The following BICD1 variants were observed in gnomAD, a reference collection of about 807,000 sequenced individuals.
The protein encoded by BICD1 is BICD cargo adaptor 1, also known as protein bicaudal D homolog 1.
Under a neutral mutation model 92.5 loss-of-function variants are expected in BICD1, and 35 were observed. The observed-to-expected ratio is 0.38, with a 90% CI of 0.29 to 0.50. The LOEUF is 0.50. BICD1 is among the 20% of genes least tolerant of loss of function. The probability of loss-of-function intolerance (pLI) is 0.93; values close to 1 mark genes in which losing one functional copy is unlikely to be tolerated. For synonymous variants in BICD1, 429 were observed against 465.1 expected (o/e 0.92, Z 1.00); for missense variants, 950 against 1,189.8 (o/e 0.80, Z 2.97).
chr12:32,369,373 T>TA (rs1400606641), intron 9 of BICD1, among the ~76,000 whole-genome samples: 3 of 152,232 alleles, frequency 2.0e-5, no homozygotes, highest in African/African-American at 7.2e-5. Context: ...GTTGCCCTTC[T>TA]ACCAGGGGAA....
chr12:32,257,780 A>G (rs1238977191), intron 2 of BICD1, among the ~76,000 whole-genome samples: 1 of 152,230 alleles, frequency 6.6e-6, no homozygotes, highest in African/African-American at 2.4e-5. Context: ...AAATATGGTT[A>G]TACAATGGAA....
At chr12:32,187,658 C>G (rs185078666) in intron 1 of BICD1, among the ~76,000 whole-genome samples, 3 of 151,516 alleles carry the variant, frequency 2.0e-5, no homozygotes, top group African/African-American at 7.3e-5. Context: ...GGCAACAGAG[C>G]GAGACTCCAT....
rs1228019735 is a variant in BICD1 at position 32,321,477 on chromosome 12, C to T, written c.1006-5984C>T. On this transcript the variant is annotated intron_variant, in intron 4 of 9. Transcript: ENST00000652176. ...AAGTCAGGTTTTCTGGCAGAACAAC[C>T]AGCTCTTCTGTGAAAAAATAAAATC... Among the ~76,000 whole-genome samples the T allele has an allele frequency of 3.9e-5, 6 of 152,054 alleles. No homozygotes were observed. The South Asian group carries it at 6.2e-4, about 16-fold the overall frequency.
intron 4 of BICD1, among the ~76,000 whole-genome samples, chr12:32,327,242 T>C (rs1427026612): frequency 6.6e-6 from 1 of 152,256 alleles, no homozygotes; most frequent in Non-Finnish European, 1.5e-5. Flanking sequence ...GCGAAATTGA[T>C]GGGTAACTAC....
intron 1 of BICD1, among the ~76,000 whole-genome samples, chr12:32,163,210 A>T (rs1020073326): frequency 2.0e-5 from 3 of 152,006 alleles, no homozygotes; most frequent in Non-Finnish European, 4.4e-5. Flanking sequence ...ATTATAATAG[A>T]TTTTCATATA....
chr12:32,279,869 G>C (rs1270586393), intron 2 of BICD1, among the ~76,000 whole-genome samples: 1 of 152,230 alleles, frequency 6.6e-6, no homozygotes, highest in African/African-American at 2.4e-5. Context: ...GGAGGCTGAG[G>C]CGGGTGGATC....
chr12:32,374,361 C>T (rs1416300767), intron 9 of BICD1, among the ~76,000 whole-genome samples: 1 of 151,548 alleles, frequency 6.6e-6, no homozygotes, highest in Non-Finnish European at 1.5e-5. Flanking sequence ...TTCCACAGCA[C>T]GTATAGTAAA....
chr12:32,267,939 A>C (rs1400571129), intron 2 of BICD1, among the ~76,000 whole-genome samples: 1 of 152,132 alleles, frequency 6.6e-6, no homozygotes. Flanking sequence ...CACTGGGACT[A>C]CAGGCATGGG....
At chr12:32,142,453 C>CCTATCTATCTATCCTATCTATCTGT (rs772125865) in intron 1 of BICD1, among the ~76,000 whole-genome samples, 3 of 112,882 alleles carry the variant, frequency 2.7e-5, no homozygotes, top group Non-Finnish European at 5.2e-5. Flanking sequence ...ACCTATCTAT[C>CCTATCTATCTATCCTATCTATCTGT]CTATCTATCT....
chr12:32,310,075 T>A (rs1471725619), intron 4 of BICD1, among the ~76,000 whole-genome samples: 1 of 152,178 alleles, frequency 6.6e-6, no homozygotes, highest in Non-Finnish European at 1.5e-5. Context: ...CAGGCAAGGC[T>A]GTAACTCCCT....
chr12:32,234,156 T>G (rs971885549), intron 2 of BICD1, among the ~76,000 whole-genome samples: 4 of 152,228 alleles, frequency 2.6e-5, no homozygotes, highest in Non-Finnish European at 5.9e-5. Flanking sequence ...TGAATTAAGT[T>G]AGAACACTAT....
chr12:32,288,456 C>T (rs1013317521), intron 2 of BICD1, among the ~76,000 whole-genome samples: 1 of 151,906 alleles, frequency 6.6e-6, no homozygotes, highest in African/African-American at 2.4e-5. Context: ...CACCATGTTG[C>T]CCAGGCTGGT....
intron 2 of BICD1, among the ~76,000 whole-genome samples, chr12:32,237,761 T>C (rs1460764187): frequency 6.6e-6 from 1 of 152,144 alleles, no homozygotes; most frequent in Non-Finnish European, 1.5e-5. Flanking sequence ...GAAAAAAAGG[T>C]TCCTTTCAAA....
intron 1 of BICD1, among the ~76,000 whole-genome samples, chr12:32,166,541 C>T (rs1380413530): frequency 6.6e-6 from 1 of 152,130 alleles, no homozygotes; most frequent in Admixed American, 6.5e-5. Flanking sequence ...GGACAGCCAA[C>T]AGGAAAGAAT....
intron 4 of BICD1, among the ~76,000 whole-genome samples, chr12:32,307,232 A>C (rs536936659): frequency 1.3e-5 from 2 of 152,310 alleles, no homozygotes; most frequent in South Asian, 4.1e-4. Context: ...CAAATTATCC[A>C]GGATACCGTA....
At chr12:32,212,633 A>G (rs1159992034) in intron 1 of BICD1, among the ~76,000 whole-genome samples, 1 of 152,190 alleles carries the variant, frequency 6.6e-6, no homozygotes, top group Non-Finnish European at 1.5e-5. Context: ...CACGTTGGCC[A>G]GACTGGTTTC....
chr12:32,346,536 GTA>G lies in BICD1; in HGVS notation c.2764+7602_2764+7603del, dbSNP rs59893108. ...TGTCAAAAAAAATATATATATACGT[GTA>G]TATATATATATATATATATATATAT... On this transcript the variant is annotated intron_variant, in intron 8 of 9. Coordinates refer to ENST00000652176, the MANE Select transcript of BICD1 (RefSeq NM_001714.4). 8.5e-3 allele frequency among the ~76,000 whole-genome samples: 204 copies of G among 24,012 alleles called. 10 individuals are homozygous for G. Among genetic ancestry groups the G allele is most frequent in the East Asian group, 0.018 (14 of 790 alleles). 15.8% of individuals were successfully genotyped at this position (24,012 alleles called of 152,430 possible). A position where few individuals can be genotyped will look rare whatever the true frequency, so the allele number is the denominator to read the frequency against.
intron 1 of BICD1, among the ~76,000 whole-genome samples, chr12:32,110,333 G>C (rs1240943453): frequency 6.6e-6 from 1 of 152,168 alleles, no homozygotes; most frequent in African/African-American, 2.4e-5. Flanking sequence ...GACCTGGCCT[G>C]ATGTTGTTTA....
At chr12:32,305,629 T>C in intron 3 of BICD1, 68 bp from the exon 4 acceptor site, 1 of 1,411,416 alleles carries the variant, frequency 7.1e-7, no homozygotes, top group East Asian at 2.3e-5. Flanking sequence ...TCCACTAGAG[T>C]GTTTAATGGC....
Sources: gnomAD v4.1 joint callset for allele counts (sites outside exome capture counted in the v4.1 genomes callset) on GRCh38, gnomAD v4.1.1 for gene constraint, MANE v1.5 for transcripts, NCBI Gene and HGNC (gene_info 2026-07-23, HGNC 2026-07-21) for gene names.